Variants in MGAT4A observed in about 807,000 individuals in gnomAD.
MGAT4A encodes alpha-1,3-mannosyl-glycoprotein 4-beta-N-acetylglucosaminyltransferase A, also known as N-acetylglucosaminyltransferase IVa.
MGAT4A carries 33 observed loss-of-function variants against 74.1 expected under a neutral mutation model. That is an observed-to-expected ratio of 0.45 (90% CI 0.34 to 0.60). MGAT4A has a LOEUF of 0.60. MGAT4A is among the 20% of genes least tolerant of loss of function. MGAT4A has a pLI of 0.02. For missense variants in MGAT4A, 479 were observed against 628.3 expected (o/e 0.76, Z 2.54); for synonymous variants, 198 against 210.4 (o/e 0.94, Z 0.51).
At chr2:98,708,187 C>T (rs1421423205) in intron 2 of MGAT4A, among the ~76,000 whole-genome samples, 2 of 151,852 alleles carry the variant, frequency 1.3e-5, no homozygotes, top group African/African-American at 2.4e-5. Context: ...AGGCTGGTCT[C>T]GAACTCCTGG....
chr2:98,681,180 AC>A (rs1413971771), intron 2 of MGAT4A, among the ~76,000 whole-genome samples: 1 of 152,026 alleles, frequency 6.6e-6, no homozygotes, highest in Non-Finnish European at 1.5e-5. Flanking sequence ...ATGGTGTTTC[AC>A]CGTGTTAGCC....
intron 2 of MGAT4A, among the ~76,000 whole-genome samples, chr2:98,709,984 T>C (rs931166353): frequency 7.2e-5 from 11 of 152,126 alleles, no homozygotes; most frequent in African/African-American, 2.4e-4. Flanking sequence ...GTCTTAGCCA[T>C]CAATGAAATC....
intron 14 of MGAT4A, among the ~76,000 whole-genome samples, chr2:98,634,918 G>A (rs1295543422): frequency 1.3e-5 from 2 of 151,972 alleles, no homozygotes; most frequent in Non-Finnish European, 2.9e-5. Context: ...CTGTCAATGT[G>A]AGCTGAGGCT....
chr2:98,718,605 G>C (rs949936829), intron 2 of MGAT4A, among the ~76,000 whole-genome samples: 4 of 152,162 alleles, frequency 2.6e-5, no homozygotes, highest in African/African-American at 7.2e-5. Flanking sequence ...GGCTCCCTTT[G>C]CTCTCCAGCT....
At chr2:98,683,630 A>C (rs988336216) in intron 2 of MGAT4A, among the ~76,000 whole-genome samples, 6 of 152,014 alleles carry the variant, frequency 3.9e-5, no homozygotes, top group Non-Finnish European at 7.4e-5. Context: ...TCAGCTCCTG[A>C]GTGGTAGAAA....
intron 14 of MGAT4A, among the ~76,000 whole-genome samples, chr2:98,632,157 T>C (rs900588776): frequency 1.3e-5 from 2 of 151,746 alleles, no homozygotes; most frequent in East Asian, 1.9e-4. Context: ...GGGGGTCTAA[T>C]TGAGCTAACA....
rs1575235494 is a variant in MGAT4A at position 98,621,210 on chromosome 2, T to G, written c.*4356A>C. On this transcript the variant is annotated 3_prime_UTR_variant, in exon 16 of 16. Coordinates refer to ENST00000393487, the MANE Select transcript of MGAT4A (RefSeq NM_012214.3). ...AGTCCAAGCAGGCTTAAGTGAGTTCTCGGCTTAGGGTCTCACAAGGCTGGA... is the reference window on the plus strand; with the variant it reads ...AGTCCAAGCAGGCTTAAGTGAGTTCGCGGCTTAGGGTCTCACAAGGCTGGA... 1.8e-6 allele frequency: 1 copy of G among 544,324 alleles called. No homozygotes were observed. The highest frequency in any genetic ancestry group is 3.0e-6 in the Non-Finnish European group (1 of 334,486). The allele number at this position is 544,324 out of a possible 1,614,324, so 33.7% of individuals were successfully genotyped here.
At chr2:98,693,544 G>A (rs1702220843) in intron 2 of MGAT4A, among the ~76,000 whole-genome samples, 1 of 152,060 alleles carries the variant, frequency 6.6e-6, no homozygotes, top group African/African-American at 2.4e-5. Context: ...CATTTCTATA[G>A]ACAAATTAAA....
Position 98,621,544 on chromosome 2 carries a change from G to C in MGAT4A, c.*4022C>G. The C allele has an allele frequency of 1.9e-6, 3 of 1,551,130 alleles. No homozygotes were observed. Among genetic ancestry groups the C allele is most frequent in the Non-Finnish European group, 2.6e-6 (3 of 1,146,732 alleles). ...CACAAGATTTGATTAGCCACCCCCAGACAGTCTTCCTTTTGCTACATAACA... is the reference window on the plus strand; with the variant it reads ...CACAAGATTTGATTAGCCACCCCCACACAGTCTTCCTTTTGCTACATAACA... On this transcript the variant is annotated 3_prime_UTR_variant, in exon 16 of 16. Transcript: ENST00000393487.
chr2:98,652,628 G>C (rs554420861), intron 8 of MGAT4A, among the ~76,000 whole-genome samples: 1 of 148,476 alleles, frequency 6.7e-6, no homozygotes, highest in African/African-American at 2.5e-5. Context: ...ACCGTGCCCA[G>C]CCAACAATTT....
intron 2 of MGAT4A, among the ~76,000 whole-genome samples, chr2:98,699,094 T>C (rs1209772191): frequency 6.6e-6 from 1 of 151,994 alleles, no homozygotes; most frequent in African/African-American, 2.4e-5. Flanking sequence ...CGGAGAGAAG[T>C]TTGGAAGAAA....
intron 2 of MGAT4A, among the ~76,000 whole-genome samples, chr2:98,725,533 C>T (rs1553540886): frequency 6.6e-6 from 1 of 151,548 alleles, no homozygotes; most frequent in Non-Finnish European, 1.5e-5. Context: ...CATCTTTCTT[C>T]TCATCATCAA....
intron 2 of MGAT4A, among the ~76,000 whole-genome samples, chr2:98,720,220 T>C (rs938881257): frequency 6.6e-6 from 1 of 152,178 alleles, no homozygotes; most frequent in Non-Finnish European, 1.5e-5. Context: ...TGATAAAACA[T>C]TATTTCTGGA....
At chr2:98,724,114 A>G (rs1702726212) in intron 2 of MGAT4A, among the ~76,000 whole-genome samples, 1 of 152,246 alleles carries the variant, frequency 6.6e-6, no homozygotes, top group African/African-American at 2.4e-5. Flanking sequence ...GCTCAAAGGC[A>G]TAAAATTACT....
chr2:98,726,452 A>C lies in MGAT4A; in HGVS notation c.-120T>G. The C allele has an allele frequency of 1.4e-6, 1 of 693,586 alleles. No individual in the cohort carries two copies. Among genetic ancestry groups the C allele is most frequent in the Non-Finnish European group, 2.4e-6 (1 of 418,796 alleles). The allele number at this position is 693,586 out of a possible 1,614,324, so 43.0% of individuals were successfully genotyped here. ...TGGCTCTAGGCCAATAAAAATCAAT[A>C]AGAGAGGTTCATTTCAGATGATCTG... On this transcript the variant is annotated 5_prime_UTR_variant, in exon 2 of 16. Coordinates refer to ENST00000393487, the MANE Select transcript of MGAT4A (RefSeq NM_012214.3).
At chr2:98,697,204 ATCC>A (rs1380070613) in intron 2 of MGAT4A, among the ~76,000 whole-genome samples, 3 of 152,224 alleles carry the variant, frequency 2.0e-5, no homozygotes, top group Admixed American at 6.5e-5. Context: ...ATGCCATGGA[ATCC>A]TCCTCAGCAA....
intron 2 of MGAT4A, among the ~76,000 whole-genome samples, chr2:98,717,994 T>C (rs1702614859): frequency 6.6e-6 from 1 of 152,246 alleles, no homozygotes; most frequent in Non-Finnish European, 1.5e-5. Flanking sequence ...ATCTAAAAAC[T>C]TTTATTCACT....
intron 12 of MGAT4A, among the ~76,000 whole-genome samples, chr2:98,637,879 T>C (rs1031749076): frequency 5.9e-5 from 9 of 152,144 alleles, no homozygotes; most frequent in African/African-American, 1.9e-4. Context: ...AGTCACAGTA[T>C]GGTTACGATA....
chr2:98,630,521 G>A (rs146130900), intron 14 of MGAT4A, among the ~76,000 whole-genome samples: 2 of 152,014 alleles, frequency 1.3e-5, no homozygotes, highest in Non-Finnish European at 1.5e-5. Flanking sequence ...TATTAGGGAC[G>A]GACAGCTGAA....
Sources: gnomAD v4.1 joint callset for allele counts (sites outside exome capture counted in the v4.1 genomes callset) on GRCh38, gnomAD v4.1.1 for gene constraint, MANE v1.5 for transcripts, NCBI Gene and HGNC (gene_info 2026-07-23, HGNC 2026-07-21) for gene names.